The following SCFD2 variants were observed in gnomAD, a reference collection of about 807,000 sequenced individuals.
SCFD2 encodes sec1 family domain containing 2.
In SCFD2, 54 loss-of-function variants were observed where a neutral mutation model predicts 58.9. The ratio of observed to expected loss-of-function variants is 0.92; its 90% CI spans 0.74 to 1.15. The LOEUF (loss-of-function observed/expected upper bound fraction) is 1.15, where lower values mean the gene tolerates loss of function less well. SCFD2 is among the 50% of genes most tolerant of loss of function. The pLI, the probability that SCFD2 is intolerant of heterozygous loss-of-function variation, is 0.00. For missense variants in SCFD2, 805 were observed against 836.6 expected (o/e 0.96, Z 0.47); for synonymous variants, 321 against 335.9 (o/e 0.96, Z 0.49).
At chr4:53,064,672 C>A (rs1723607144) in intron 5 of SCFD2, among the ~76,000 whole-genome samples, 1 of 152,058 alleles carries the variant, frequency 6.6e-6, no homozygotes, top group Non-Finnish European at 1.5e-5. Context: ...TTCAGAGGTA[C>A]CCTAAGGCAA....
At chr4:53,302,632 T>C (rs1251290889) in intron 3 of SCFD2, among the ~76,000 whole-genome samples, 4 of 152,154 alleles carry the variant, frequency 2.6e-5, no homozygotes, top group Non-Finnish European at 5.9e-5. Context: ...AAAAAGAGCC[T>C]GCATTGCCAA....
intron 5 of SCFD2, among the ~76,000 whole-genome samples, chr4:52,989,545 T>A (rs562787783): frequency 6.6e-6 from 1 of 152,334 alleles, no homozygotes; most frequent in East Asian, 1.9e-4. Flanking sequence ...AAAGAAGGAA[T>A]AGAATGCCTG....
intron 5 of SCFD2, among the ~76,000 whole-genome samples, chr4:53,081,398 C>T (rs28458908): frequency 0.017 from 2,554 of 152,164 alleles, 75 homozygotes; most frequent in African/African-American, 0.059. Flanking sequence ...TTTCAACCCA[C>T]CTCCCTCCAC....
intron 2 of SCFD2, among the ~76,000 whole-genome samples, chr4:53,341,386 G>C (rs1733866910): frequency 6.6e-6 from 1 of 152,148 alleles, no homozygotes; most frequent in Non-Finnish European, 1.5e-5. Context: ...ACGAAATGAA[G>C]CAAGAAGAGA....
At chr4:52,989,576 C>T (rs1721574553) in intron 5 of SCFD2, among the ~76,000 whole-genome samples, 1 of 152,180 alleles carries the variant, frequency 6.6e-6, no homozygotes, top group Non-Finnish European at 1.5e-5. Context: ...ATGGTAGTGA[C>T]TTCAAAGGAG....
intron 7 of SCFD2, among the ~76,000 whole-genome samples, chr4:52,887,098 T>C (rs1347704114): frequency 1.3e-5 from 2 of 152,254 alleles, no homozygotes; most frequent in South Asian, 2.1e-4. Flanking sequence ...CCTTACCTAG[T>C]ACAATTTCTT....
chr4:53,261,170 A>G (rs1410866160), intron 4 of SCFD2, among the ~76,000 whole-genome samples: 1 of 152,022 alleles, frequency 6.6e-6, no homozygotes, highest in Non-Finnish European at 1.5e-5. Flanking sequence ...CCAAAGAACC[A>G]GCTTTTTGTT....
chr4:53,108,250 T>C (rs1184294633), intron 5 of SCFD2, among the ~76,000 whole-genome samples: 1 of 152,128 alleles, frequency 6.6e-6, no homozygotes, highest in Non-Finnish European at 1.5e-5. Flanking sequence ...TATAGCACTA[T>C]ATGCCCACAG....
At chr4:53,008,516 G>A (rs1379282345) in intron 5 of SCFD2, among the ~76,000 whole-genome samples, 1 of 152,110 alleles carries the variant, frequency 6.6e-6, no homozygotes, top group Non-Finnish European at 1.5e-5. Flanking sequence ...TCTCCCTAAC[G>A]TCCAATAAAT....
intron 5 of SCFD2, among the ~76,000 whole-genome samples, chr4:53,014,631 T>C (rs1220556531): frequency 1.3e-5 from 2 of 152,230 alleles, no homozygotes; most frequent in African/African-American, 4.8e-5. Flanking sequence ...GTCCTTGTTA[T>C]AGCACAGATC....
intron 5 of SCFD2, among the ~76,000 whole-genome samples, chr4:53,103,640 T>C (rs1724893240): frequency 6.7e-6 from 1 of 149,062 alleles, no homozygotes; most frequent in Non-Finnish European, 1.5e-5. Flanking sequence ...GCATATCTAG[T>C]ACCAGATCTT....
chr4:53,001,538 T>C (rs1560506579), intron 5 of SCFD2, among the ~76,000 whole-genome samples: 1 of 152,252 alleles, frequency 6.6e-6, no homozygotes, highest in Non-Finnish European at 1.5e-5. Context: ...CGACAATGCT[T>C]AGCTTTATTA....
At chr4:53,271,487 G>T (rs1225519479) in intron 4 of SCFD2, among the ~76,000 whole-genome samples, 3 of 99,766 alleles carry the variant, frequency 3.0e-5, no homozygotes, top group African/African-American at 9.6e-5. Flanking sequence ...TTTTGAGATG[G>T]AGTCTCCCTC....
intron 5 of SCFD2, among the ~76,000 whole-genome samples, chr4:53,059,298 C>A (rs1723436323): frequency 2.0e-5 from 3 of 152,250 alleles, no homozygotes; most frequent in South Asian, 2.1e-4. Context: ...AGATGAAGAT[C>A]TGTAGTGAAG....
In SCFD2 at chr4:53,248,288, C is replaced by T. The variant is rs191578588; in HGVS notation, c.1311+25538G>A. On this transcript the variant is annotated intron_variant, in intron 4 of 8. Transcript: ENST00000401642. The stretch of plus-strand genomic sequence containing the variant: ...GGAGGGTCCTACACCCACTGAGTCT[C>T]GCAGATGCTAGCACAGCAGTCTGAG... Among the ~76,000 whole-genome samples, 13 of 152,304 alleles carry T rather than the reference C, an allele frequency of 8.5e-5. No individual in the cohort carries two copies. The South Asian group carries it at 1.0e-3, about 12-fold the overall frequency.
intron 4 of SCFD2, among the ~76,000 whole-genome samples, chr4:53,215,810 G>A (rs563866666): frequency 6.6e-6 from 1 of 152,070 alleles, no homozygotes; most frequent in Non-Finnish European, 1.5e-5. Flanking sequence ...ATTATTTTGA[G>A]ATACGTCCCA....
rs200490737 is a variant in SCFD2, at chr4:52,966,822, T to TA, written c.1562-45953dup. On this transcript the variant is annotated intron_variant, in intron 5 of 8. Coordinates refer to ENST00000401642, the MANE Select transcript of SCFD2 (RefSeq NM_152540.4). ...ACTTTATACAGACTTCCTTTGTTTT[T>TA]AAAAAAAATTGTGTAAAGCTCATGT... 9.3e-3 allele frequency among the ~76,000 whole-genome samples: 1,416 copies of TA among 152,246 alleles called. 18 individuals carry two copies. Among genetic ancestry groups the TA allele is most frequent in the African/African-American group, 0.032 (1,344 of 41,534 alleles).
At position 53,145,359 on chromosome 4, in the gene SCFD2, A is replaced by C. The variant is rs7675987; in HGVS notation, c.1535T>G (p.Leu512Trp). 17 of 1,613,864 alleles carry C rather than the reference A, an allele frequency of 1.1e-5. No individual in the cohort carries two copies. The highest frequency in any genetic ancestry group is 1.4e-5 in the Non-Finnish European group (17 of 1,179,974). Residue 512 changes from leucine (L) to tryptophan (W), a missense_variant, in exon 5 of 9, where the codon TTG (leucine) becomes TGG (tryptophan). Leu to Trp is a moderately conservative substitution (Grantham distance 61). This residue lies in a region of SCFD2 where 633 missense variants were observed against 646.8 expected (regional missense o/e 0.98). Coordinates refer to ENST00000401642, the MANE Select transcript of SCFD2 (RefSeq NM_152540.4). Reference sequence around the variant, plus strand: ...CGTAATTTTTTGCAGCAAAGGTGACAATCCAGATTCCTCACAGAAGACCTG... The same window carrying C: ...CGTAATTTTTTGCAGCAAAGGTGACCATCCAGATTCCTCACAGAAGACCTG... ...LAQVFCEESG[L>W]SPLLQKITDW...
intron 7 of SCFD2, among the ~76,000 whole-genome samples, chr4:52,899,247 A>C (rs1369203133): frequency 6.6e-6 from 1 of 152,100 alleles, no homozygotes; most frequent in African/African-American, 2.4e-5. Flanking sequence ...CCTAGCCTCG[A>C]TAGTCTTTAC....
Sources: allele counts gnomAD v4.1 joint callset (sites outside exome capture counted in the v4.1 genomes callset), GRCh38; gene constraint gnomAD v4.1.1; regional missense constraint gnomAD v4.1.1; transcripts MANE v1.5; gene names NCBI Gene and HGNC (gene_info 2026-07-23, HGNC 2026-07-21).